ZFAND3: variants seen among roughly 807,000 people sequenced by gnomAD.
ZFAND3 encodes AN1-type zinc finger protein 3.
ZFAND3 carries 10 observed loss-of-function variants against 29.6 expected under a neutral mutation model. The ratio of observed to expected loss-of-function variants is 0.34; its 90% confidence interval spans 0.21 to 0.57. The LOEUF (loss-of-function observed/expected upper bound fraction) is 0.57, where lower values mean the gene tolerates loss of function less well. Ranked by LOEUF, ZFAND3 falls within the 20% of genes least tolerant of loss-of-function variation. The pLI is 0.86. For synonymous variants in ZFAND3, 128 were observed against 112.6 expected (o/e 1.14, Z -0.87); for missense variants, 230 against 304.5 (o/e 0.76, Z 1.82).
intron 2 of ZFAND3, among the ~76,000 whole-genome samples, chr6:38,033,556 A>C (rs577056743): frequency 6.6e-6 from 1 of 152,320 alleles, no homozygotes; most frequent in South Asian, 2.1e-4. Context: ...GACAGCTAGT[A>C]GTTTAAAGCA....
intron 3 of ZFAND3, among the ~76,000 whole-genome samples, chr6:38,068,921 T>C (rs897297100): frequency 7.2e-5 from 11 of 152,192 alleles, no homozygotes; most frequent in African/African-American, 2.4e-4. Flanking sequence ...TGGAAACTGG[T>C]TTCTGGTGAT....
At chr6:37,829,612 A>G (rs928404767) in intron 1 of ZFAND3, among the ~76,000 whole-genome samples, 5 of 152,220 alleles carry the variant, frequency 3.3e-5, no homozygotes, top group Admixed American at 6.5e-5. Flanking sequence ...TTGCATGTAG[A>G]AACTTTTAAT....
At chr6:38,081,704 T>C (rs911407863) in intron 3 of ZFAND3, among the ~76,000 whole-genome samples, 12 of 152,118 alleles carry the variant, frequency 7.9e-5, no homozygotes, top group African/African-American at 2.9e-4. Context: ...TTTTGCAGAA[T>C]GAAATTATTG....
intron 2 of ZFAND3, chr6:38,003,838 C>A (rs1421870856): frequency 6.7e-6 from 3 of 448,506 alleles, no homozygotes; most frequent in African/African-American, 4.1e-5. Context: ...ATTTGTATAT[C>A]TTTTTCCTTC....
intron 5 of ZFAND3, among the ~76,000 whole-genome samples, chr6:38,127,732 G>A (rs956165005): frequency 1.3e-4 from 19 of 150,482 alleles, no homozygotes; most frequent in Middle Eastern, 6.8e-3. Flanking sequence ...AACCAAGATC[G>A]AAAAGGTAGT....
chr6:37,951,512 T>C (rs556806678), intron 2 of ZFAND3, among the ~76,000 whole-genome samples: 1 of 152,118 alleles, frequency 6.6e-6, no homozygotes, highest in South Asian at 2.1e-4. Flanking sequence ...GTGGGATCAG[T>C]TGAACCCAGG....
chr6:38,152,113 C>A, intron 5 of ZFAND3, 122 bp from the exon 6 acceptor site: 1 of 920,528 alleles, frequency 1.1e-6, no homozygotes, highest in Non-Finnish European at 1.6e-6. Flanking sequence ...GGAACCCCTG[C>A]AGTGAGTGTT....
chr6:37,887,306 A>G (rs1032551064), intron 1 of ZFAND3, among the ~76,000 whole-genome samples: 1 of 152,338 alleles, frequency 6.6e-6, no homozygotes, highest in South Asian at 2.1e-4. Context: ...TGTTCTTGGC[A>G]TATGTAAGAA....
chr6:38,094,026 G>A (rs1764923756), intron 4 of ZFAND3, among the ~76,000 whole-genome samples: 2 of 152,156 alleles, frequency 1.3e-5, no homozygotes, highest in South Asian at 4.1e-4. Context: ...TTCTATCTAA[G>A]AGTGTAAGGA....
At chr6:37,942,892 A>G (rs1761836664) in intron 2 of ZFAND3, among the ~76,000 whole-genome samples, 1 of 152,170 alleles carries the variant, frequency 6.6e-6, no homozygotes, top group South Asian at 2.1e-4. Context: ...AGGAAAACAT[A>G]AAACTTACTT....
At chr6:37,954,045 C>G (rs2127421958) in intron 2 of ZFAND3, among the ~76,000 whole-genome samples, 1 of 152,176 alleles carries the variant, frequency 6.6e-6, no homozygotes, top group African/African-American at 2.4e-5. Context: ...AGATACTGCT[C>G]CACTGTTTTG....
intron 2 of ZFAND3, among the ~76,000 whole-genome samples, chr6:38,057,060 G>GTT (rs67405817): frequency 1.3e-5 from 2 of 152,050 alleles, no homozygotes; most frequent in East Asian, 3.9e-4. Context: ...TTATTCCTAA[G>GTT]TTTTTTTCTC....
At chr6:38,072,301 C>T (rs913029185) in intron 3 of ZFAND3, among the ~76,000 whole-genome samples, 1 of 152,162 alleles carries the variant, frequency 6.6e-6, no homozygotes, top group African/African-American at 2.4e-5. Flanking sequence ...TTTTAATACT[C>T]ATTTTCAAAA....
chr6:37,835,365 CA>C (rs2127370458), intron 1 of ZFAND3, among the ~76,000 whole-genome samples: 1 of 152,046 alleles, frequency 6.6e-6, no homozygotes, highest in South Asian at 2.1e-4. Flanking sequence ...CCATGTTGCC[CA>C]GGCTGGTCTT....
At chr6:37,959,416 G>A (rs1372202077) in intron 2 of ZFAND3, among the ~76,000 whole-genome samples, 1 of 152,188 alleles carries the variant, frequency 6.6e-6, no homozygotes, top group Non-Finnish European at 1.5e-5. Flanking sequence ...CTATTGTTAT[G>A]TAAATGAACA....
At chr6:38,066,828 G>T (rs115494570) in intron 3 of ZFAND3, among the ~76,000 whole-genome samples, 4,159 of 152,192 alleles carry the variant, frequency 0.027, 85 homozygotes, top group Non-Finnish European at 0.041. Context: ...TTACCCAAAA[G>T]AATTTCTTAA....
chr6:37,898,318 T>G (rs974520333), intron 1 of ZFAND3, among the ~76,000 whole-genome samples: 108 of 152,322 alleles, frequency 7.1e-4, no homozygotes, highest in African/African-American at 2.6e-3. Flanking sequence ...TTAAGCCACA[T>G]GCAGGTCTGT....
intron 3 of ZFAND3, among the ~76,000 whole-genome samples, chr6:38,075,491 G>A (rs923905393): frequency 1.3e-5 from 2 of 152,184 alleles, no homozygotes; most frequent in African/African-American, 4.8e-5. Flanking sequence ...AACTTTAATG[G>A]ATGAGGAGCT....
At chr6:37,972,163 G>A (rs1652558147) in intron 2 of ZFAND3, among the ~76,000 whole-genome samples, 1 of 152,070 alleles carries the variant, frequency 6.6e-6, no homozygotes, top group Non-Finnish European at 1.5e-5. Context: ...TATTAGGCTT[G>A]GTAGGACCCA....
Sources: gnomAD v4.1 joint callset for allele counts (sites outside exome capture counted in the v4.1 genomes callset) on GRCh38, gnomAD v4.1.1 for gene constraint, MANE v1.5 for transcripts, NCBI Gene and HGNC (gene_info 2026-07-23, HGNC 2026-07-21) for gene names.